SRBD1: variants seen among roughly 807,000 people sequenced by gnomAD.
The protein encoded by SRBD1 is S1 RNA-binding domain-containing protein 1.
A neutral mutation model predicts 115.3 loss-of-function variants in SRBD1; 88 were observed. That is an observed-to-expected ratio of 0.76 (90% CI 0.64 to 0.91). The LOEUF is 0.91. Ranked by LOEUF, SRBD1 falls within the 40% of genes least tolerant of loss-of-function variation. The pLI is 0.00. For synonymous variants in SRBD1, 509 were observed against 407.7 expected (o/e 1.25, Z -2.99); for missense variants, 1,385 against 1,177.4 (o/e 1.18, Z -2.58).
chr2:45,545,761 C>T (rs976682296), intron 14 of SRBD1, among the ~76,000 whole-genome samples: 42 of 152,180 alleles, frequency 2.8e-4, no homozygotes, highest in African/African-American at 9.7e-4. Context: ...CGGTTTGTTC[C>T]TCACCTTCTC....
intron 1 of SRBD1, among the ~76,000 whole-genome samples, chr2:45,609,652 TC>T (rs1312049871): frequency 2.6e-5 from 4 of 152,164 alleles, no homozygotes; most frequent in Non-Finnish European, 5.9e-5. Context: ...TAACATTCTT[TC>T]CCACCTCAGG....
At position 45,463,028 on chromosome 2, in the gene SRBD1, GGGGA is replaced by G. The variant is rs377496377; in HGVS notation, c.2049+13961_2049+13964del. 4.9e-3 allele frequency among the ~76,000 whole-genome samples: 417 copies of G among 84,658 alleles called. 4 individuals carry two copies. The highest frequency in any genetic ancestry group is 0.014 in the African/African-American group (207 of 15,006). The allele number at this position is 84,658 out of a possible 152,430, so 55.5% of individuals were successfully genotyped here. A position where few individuals can be genotyped will look rare whatever the true frequency, so the allele number is the denominator to read the frequency against. On this transcript the variant is annotated intron_variant, in intron 16 of 20. Transcript: ENST00000263736. Reference sequence around the variant, plus strand: ...TGTTGAGAATAACCCGGGGGGGGGGGGGGAAATCTCTCTTGTCAATATAATTTTC... The same window carrying G: ...TGTTGAGAATAACCCGGGGGGGGGGGAATCTCTCTTGTCAATATAATTTTC...
At chr2:45,541,517 C>T (rs1041276581) in intron 14 of SRBD1, among the ~76,000 whole-genome samples, 3 of 152,180 alleles carry the variant, frequency 2.0e-5, no homozygotes, top group Admixed American at 2.0e-4. Context: ...GGAGGGTGAG[C>T]AAGGCAGAGA....
At chr2:45,565,589 A>G (rs1672802670) in intron 9 of SRBD1, among the ~76,000 whole-genome samples, 1 of 152,216 alleles carries the variant, frequency 6.6e-6, no homozygotes, top group Non-Finnish European at 1.5e-5. Context: ...ATATAACACC[A>G]AAAGTGTAAT....
chr2:45,562,288 T>C (rs2344660), intron 10 of SRBD1, among the ~76,000 whole-genome samples: 149,706 of 152,274 alleles, frequency 0.98, 73,608 homozygotes, highest in East Asian at 1. Flanking sequence ...AGTGCAGTGG[T>C]GTGATCTCGG....
At chr2:45,548,255 A>C (rs1291063226) in intron 12 of SRBD1, among the ~76,000 whole-genome samples, 1 of 152,018 alleles carries the variant, frequency 6.6e-6, no homozygotes, top group Non-Finnish European at 1.5e-5. Flanking sequence ...AAAAATTAAC[A>C]GAAAAAAATG....
At chr2:45,565,846 G>A (rs1399780564) in intron 9 of SRBD1, among the ~76,000 whole-genome samples, 2 of 152,126 alleles carry the variant, frequency 1.3e-5, no homozygotes, top group Non-Finnish European at 2.9e-5. Flanking sequence ...GGCTGGTCTC[G>A]AACTCCTGAC....
At chr2:45,579,378 T>C (rs772988110) in intron 7 of SRBD1, among the ~76,000 whole-genome samples, 1 of 152,212 alleles carries the variant, frequency 6.6e-6, no homozygotes, top group Non-Finnish European at 1.5e-5. Flanking sequence ...AGAGTATTTA[T>C]GACTTTTGCA....
intron 14 of SRBD1, among the ~76,000 whole-genome samples, chr2:45,530,117 G>A (rs1228744739): frequency 6.6e-6 from 1 of 151,878 alleles, no homozygotes; most frequent in African/African-American, 2.4e-5. Context: ...TATGTTGAAA[G>A]GAAAAAGAAA....
intron 5 of SRBD1, among the ~76,000 whole-genome samples, chr2:45,584,467 T>A (rs566716827): frequency 2.0e-5 from 3 of 152,322 alleles, no homozygotes; most frequent in African/African-American, 7.2e-5. Flanking sequence ...CTCCTGACAC[T>A]AAAAGAACGT....
intron 14 of SRBD1, among the ~76,000 whole-genome samples, chr2:45,515,829 C>A (rs1194942008): frequency 6.6e-6 from 1 of 152,192 alleles, no homozygotes; most frequent in Non-Finnish European, 1.5e-5. Flanking sequence ...TATCTCTATA[C>A]AGAAAGACCA....
At chr2:45,405,769 T>A (rs1036964007) in intron 19 of SRBD1, among the ~76,000 whole-genome samples, 6 of 45,462 alleles carry the variant, frequency 1.3e-4, no homozygotes, top group Non-Finnish European at 2.6e-4. Flanking sequence ...AGACGACTGG[T>A]CATTAGTTGA....
At chr2:45,514,914 T>C (rs1337784754) in intron 14 of SRBD1, among the ~76,000 whole-genome samples, 2 of 152,204 alleles carry the variant, frequency 1.3e-5, no homozygotes, top group African/African-American at 4.8e-5. Context: ...AAGTCTATCT[T>C]AGACTATGAA....
chr2:45,401,279 T>C (rs763427568), intron 19 of SRBD1, among the ~76,000 whole-genome samples: 4 of 152,144 alleles, frequency 2.6e-5, no homozygotes, highest in Non-Finnish European at 4.4e-5. Flanking sequence ...GACTGCTGTA[T>C]CTTTAAAAAC....
intron 9 of SRBD1, among the ~76,000 whole-genome samples, chr2:45,567,430 C>T (rs1195626446): frequency 4.0e-5 from 6 of 151,844 alleles, no homozygotes; most frequent in African/African-American, 2.4e-5. Flanking sequence ...GGCAACATGG[C>T]GAAACCCCAA....
chr2:45,418,491 C>T lies in SRBD1; in HGVS notation c.2207G>A (p.Arg736Gln), dbSNP rs762232442. ...GTTGATAAAGGGTCCATTTTTCTCT[C>T]GCCATTCAATAATATTTTTGGCCCT... Reference protein sequence around the residue: ...ANRAKNIIEWREKNGPFINRE... With the variant: ...ANRAKNIIEWQEKNGPFINRE... Residue 736 changes from arginine to glutamine, a missense_variant, in exon 18 of 21, where the codon CGA becomes CAA. By Grantham distance (43) the Arg-to-Gln change is conservative. Transcript: ENST00000263736. 5.3e-5 allele frequency: 86 copies of T among 1,613,402 alleles called. No individual in the cohort carries two copies. Among genetic ancestry groups the T allele is most frequent in the South Asian group, 7.7e-5 (7 of 91,048 alleles).
chr2:45,430,547 G>A (rs564540187), intron 16 of SRBD1, among the ~76,000 whole-genome samples: 2 of 152,136 alleles, frequency 1.3e-5, no homozygotes, highest in Non-Finnish European at 2.9e-5. Flanking sequence ...ATGGGGAAAG[G>A]ATTTCCTATT....
intron 16 of SRBD1, among the ~76,000 whole-genome samples, chr2:45,433,945 A>C (rs1668413294): frequency 6.6e-6 from 1 of 152,218 alleles, no homozygotes; most frequent in South Asian, 2.1e-4. Context: ...TAAGATGGCA[A>C]AGGGCATCAG....
Position 45,486,658 on chromosome 2 carries a change from C to T in SRBD1, c.1966+1582G>A, listed in dbSNP as rs144891743. On this transcript the variant is annotated intron_variant, in intron 15 of 20. Coordinates refer to ENST00000263736, the MANE Select transcript of SRBD1 (RefSeq NM_018079.5). ...TGAGGCAAGAGAATGGCATGAACCC[C>T]GGAGGGAGAGCTTGCAGTGAGCCGA... 5.0e-3 allele frequency among the ~76,000 whole-genome samples: 757 copies of T among 151,768 alleles called. 9 individuals are homozygous for T. The highest frequency in any genetic ancestry group is 0.017 in the African/African-American group (715 of 41,378).
Sources: gnomAD v4.1 joint callset for allele counts (sites outside exome capture counted in the v4.1 genomes callset) on GRCh38, gnomAD v4.1.1 for gene constraint, MANE v1.5 for transcripts, NCBI Gene and HGNC (gene_info 2026-07-23, HGNC 2026-07-21) for gene names.